Variants in GALNT13 observed in about 807,000 individuals in gnomAD.
The protein encoded by GALNT13 is polypeptide N-acetylgalactosaminyltransferase 13.
A neutral mutation model predicts 64.2 loss-of-function variants in GALNT13; 28 were observed. That is an observed-to-expected ratio of 0.44 (90% CI 0.32 to 0.60). The LOEUF is 0.60. GALNT13 is among the 20% of genes least tolerant of loss of function. GALNT13 has a pLI of 0.05. For synonymous variants in GALNT13, 214 were observed against 224.6 expected, an observed-to-expected ratio of 0.95 and a Z score of 0.42; for missense variants, 577 against 669.8, an observed-to-expected ratio of 0.86 and a Z score of 1.53.
the GALNT13 span, among the ~76,000 whole-genome samples, chr2:153,097,656 T>C: frequency 6.6e-6 from 1 of 152,200 alleles, no homozygotes. Flanking sequence ...TAAAATCCTT[T>C]TATTCAGAGT....
At chr2:153,713,617 A>G in the GALNT13 span, among the ~76,000 whole-genome samples, 1 of 152,090 alleles carries the variant, frequency 6.6e-6, no homozygotes, top group African/African-American at 2.4e-5. Context: ...TGAGTAGCTG[A>G]GACTACAGGT....
At chr2:153,536,380 C>G in the GALNT13 span, among the ~76,000 whole-genome samples, 1 of 152,150 alleles carries the variant, frequency 6.6e-6, no homozygotes, top group African/African-American at 2.4e-5. Context: ...TATCTGCCTG[C>G]CTGTCTGTCC....
chr2:154,263,814 T>TTGTTACTTGGAGTAACA lies in GALNT13; in HGVS notation c.975+4676_975+4677insTGTTACTTGGAGTAACA. Among the ~76,000 whole-genome samples the TTGTTACTTGGAGTAACA allele has an allele frequency of 2.0e-4, 31 of 152,312 alleles. No homozygotes were observed. In the South Asian group the frequency reaches 6.4e-3, roughly 32 times the overall value. On this transcript the variant is annotated intron_variant, in intron 8 of 12. Transcript: ENST00000392825. Reference sequence around the variant, plus strand: ...CATCTAGACTTGGAGTAACAAGTACTAGATTTACCATTCTCCTCGTCATTC... The same window carrying TTGTTACTTGGAGTAACA: ...CATCTAGACTTGGAGTAACAAGTACTTGTTACTTGGAGTAACAAGATTTACCATTCTCCTCGTCATTC...
chr2:153,400,587 T>C, the GALNT13 span, among the ~76,000 whole-genome samples: 1 of 152,154 alleles, frequency 6.6e-6, no homozygotes, highest in Non-Finnish European at 1.5e-5. Flanking sequence ...CTATTGATTA[T>C]TGCCACAATT....
the GALNT13 span, among the ~76,000 whole-genome samples, chr2:153,322,122 C>T: frequency 6.6e-5 from 10 of 151,750 alleles, no homozygotes; most frequent in East Asian, 9.7e-4. Context: ...TACAAATGGC[C>T]GAGGTACTGG....
chr2:153,242,690 T>G, the GALNT13 span, among the ~76,000 whole-genome samples: 1 of 152,190 alleles, frequency 6.6e-6, no homozygotes, highest in African/African-American at 2.4e-5. Context: ...TGAATCATGT[T>G]TTTCTGAAAA....
chr2:153,511,869 C>G, the GALNT13 span, among the ~76,000 whole-genome samples: 1 of 152,008 alleles, frequency 6.6e-6, no homozygotes, highest in Admixed American at 6.6e-5. Context: ...GGTGGTCAGC[C>G]AAAATAAATT....
At chr2:154,254,399 C>T (rs995413214) in intron 7 of GALNT13, among the ~76,000 whole-genome samples, 1 of 151,920 alleles carries the variant, frequency 6.6e-6, no homozygotes, top group African/African-American at 2.4e-5. Context: ...TTTAGAGGAT[C>T]ATCAATTTAG....
intron 9 of GALNT13, among the ~76,000 whole-genome samples, chr2:154,318,883 A>G (rs926109055): frequency 3.3e-5 from 5 of 152,122 alleles, no homozygotes; most frequent in African/African-American, 9.7e-5. Flanking sequence ...ACGCGCGCGC[A>G]CACACACGCA....
At chr2:153,542,323 AAAACAAAC>A in the GALNT13 span, among the ~76,000 whole-genome samples, 5 of 124,472 alleles carry the variant, frequency 4.0e-5, no homozygotes, top group African/African-American at 1.4e-4. Context: ...TCCATCTCAA[AAAACAAAC>A]AAACAAACAA....
the GALNT13 span, among the ~76,000 whole-genome samples, chr2:153,473,311 T>C: frequency 6.6e-6 from 1 of 152,242 alleles, no homozygotes; most frequent in African/African-American, 2.4e-5. Context: ...ACATATAAAT[T>C]CAAAGTATGT....
chr2:154,434,779 A>C (rs984306744), intron 11 of GALNT13, among the ~76,000 whole-genome samples: 2 of 152,174 alleles, frequency 1.3e-5, no homozygotes, highest in African/African-American at 4.8e-5. Flanking sequence ...AAACACTATA[A>C]ATTACTAAAT....
chr2:154,257,992 T>C (rs986205012), intron 7 of GALNT13, among the ~76,000 whole-genome samples: 27 of 152,068 alleles, frequency 1.8e-4, no homozygotes. Context: ...TAAATCTAAA[T>C]CTGTGGAGGG....
the GALNT13 span, among the ~76,000 whole-genome samples, chr2:153,574,565 G>A: frequency 6.6e-6 from 1 of 151,958 alleles, no homozygotes; most frequent in Admixed American, 6.6e-5. Context: ...AACCTCCTAT[G>A]TGTATTTGAA....
chr2:153,605,505 T>C, the GALNT13 span, among the ~76,000 whole-genome samples: 1 of 152,112 alleles, frequency 6.6e-6, no homozygotes, highest in South Asian at 2.1e-4. Flanking sequence ...CCATGGCATA[T>C]TTGATGAAAG....
chr2:154,115,182 A>G (rs909592516), intron 3 of GALNT13, among the ~76,000 whole-genome samples: 1 of 152,320 alleles, frequency 6.6e-6, no homozygotes, highest in Middle Eastern at 3.4e-3. Context: ...CTTCCTCTAC[A>G]TTAAACCAAG....
At chr2:153,555,391 T>G in the GALNT13 span, among the ~76,000 whole-genome samples, 13 of 112,252 alleles carry the variant, frequency 1.2e-4, no homozygotes, top group Non-Finnish European at 2.5e-4. Flanking sequence ...AGACGGGGTT[T>G]CACCGTGTTA....
intron 2 of GALNT13, among the ~76,000 whole-genome samples, chr2:153,929,338 T>C (rs1033357816): frequency 6.6e-6 from 1 of 152,146 alleles, no homozygotes; most frequent in African/African-American, 2.4e-5. Flanking sequence ...GCATTTTATT[T>C]TATTTTTCTT....
the GALNT13 span, among the ~76,000 whole-genome samples, chr2:153,588,111 C>T: frequency 1.2e-4 from 18 of 152,204 alleles, no homozygotes; most frequent in African/African-American, 3.6e-4. Context: ...CAGCTCTGCC[C>T]CTGTGGCTTT....
Sources: allele counts gnomAD v4.1 joint callset (sites outside exome capture counted in the v4.1 genomes callset), GRCh38; gene constraint gnomAD v4.1.1; transcripts MANE v1.5; gene names NCBI Gene and HGNC (gene_info 2026-07-23, HGNC 2026-07-21).